Variants in ZMAT4 observed in about 807,000 individuals in gnomAD.
ZMAT4 encodes zinc finger matrin-type 4.
A neutral mutation model predicts 28.7 loss-of-function variants in ZMAT4; 17 were observed. That is an observed-to-expected ratio of 0.59 (90% confidence interval 0.41 to 0.89). The LOEUF is 0.89. Ranked by LOEUF, ZMAT4 falls within the 40% of genes least tolerant of loss-of-function variation. ZMAT4 has a pLI of 0.00. For synonymous variants in ZMAT4, 117 were observed against 109.2 expected, an observed-to-expected ratio of 1.07 and a Z score of -0.44; for missense variants, 240 against 283.8, an observed-to-expected ratio of 0.85 and a Z score of 1.11.
At chr8:40,648,437 T>C (rs1448670146) in intron 5 of ZMAT4, among the ~76,000 whole-genome samples, 2 of 151,080 alleles carry the variant, frequency 1.3e-5, no homozygotes, top group African/African-American at 2.4e-5. Flanking sequence ...AAAGACCAAA[T>C]CTACGTCTGA....
At chr8:40,746,834 C>T (rs892599728) in intron 3 of ZMAT4, among the ~76,000 whole-genome samples, 9 of 152,144 alleles carry the variant, frequency 5.9e-5, no homozygotes, top group Non-Finnish European at 1.2e-4. Context: ...GCCTTCTTTC[C>T]GTTTCTCCCC....
chr8:40,652,324 A>G (rs1022749933), intron 5 of ZMAT4, among the ~76,000 whole-genome samples: 9 of 124,270 alleles, frequency 7.2e-5, no homozygotes, highest in African/African-American at 2.6e-4. Flanking sequence ...CAAAAAACAC[A>G]TGAAAAAATG....
chr8:40,713,921 C>CAAAAAGAAAAAAA (rs1810733554), intron 3 of ZMAT4, among the ~76,000 whole-genome samples: 1 of 50,030 alleles, frequency 2.0e-5, no homozygotes, highest in African/African-American at 6.7e-5. Flanking sequence ...AAAACAAAAC[C>CAAAAAGAAAAAAA]AAAAAAAAAA....
chr8:40,767,869 G>A (rs1763465206), intron 2 of ZMAT4, 139 bp from the exon 3 acceptor site: 2 of 646,906 alleles, frequency 3.1e-6, no homozygotes, highest in Non-Finnish European at 5.0e-6. Flanking sequence ...GAGGGATGTA[G>A]GATGTAGTTT....
intron 5 of ZMAT4, among the ~76,000 whole-genome samples, chr8:40,647,324 T>A (rs1807373112): frequency 6.6e-6 from 1 of 152,194 alleles, no homozygotes; most frequent in Admixed American, 6.5e-5. Context: ...AGACAGCACC[T>A]GGAAAATCGG....
chr8:40,652,047 A>G (rs1267451730), intron 5 of ZMAT4, among the ~76,000 whole-genome samples: 1 of 56,366 alleles, frequency 1.8e-5, no homozygotes, highest in Non-Finnish European at 4.2e-5. Flanking sequence ...CTAAAACACC[A>G]AAAGCAATGA....
At chr8:40,833,928 T>C (rs1356179268) in intron 1 of ZMAT4, among the ~76,000 whole-genome samples, 1 of 152,208 alleles carries the variant, frequency 6.6e-6, no homozygotes, top group Non-Finnish European at 1.5e-5. Flanking sequence ...CAAGCTCTGC[T>C]TTCCAGCCTG....
chr8:40,551,790 CT>C (rs1340808313), intron 6 of ZMAT4, among the ~76,000 whole-genome samples: 2 of 152,140 alleles, frequency 1.3e-5, no homozygotes, highest in African/African-American at 2.4e-5. Context: ...TATATCTGCA[CT>C]TGTAATTTCT....
At chr8:40,608,841 C>A (rs1805693533) in intron 5 of ZMAT4, among the ~76,000 whole-genome samples, 1 of 152,206 alleles carries the variant, frequency 6.6e-6, no homozygotes. Context: ...CTCCCATGAT[C>A]TGGACCATCA....
chr8:40,602,330 G>A (rs1048028299), intron 5 of ZMAT4, among the ~76,000 whole-genome samples: 3 of 152,300 alleles, frequency 2.0e-5, no homozygotes, highest in Non-Finnish European at 4.4e-5. Flanking sequence ...AAACATGCAT[G>A]TGCAAGAATC....
chr8:40,691,153 T>C (rs755715858), intron 4 of ZMAT4, among the ~76,000 whole-genome samples: 2 of 152,198 alleles, frequency 1.3e-5, no homozygotes, highest in African/African-American at 2.4e-5. Flanking sequence ...ACAACCTTGA[T>C]GTATGTGTGT....
At chr8:40,808,628 TC>T in intron 2 of ZMAT4, 1 of 451,450 alleles carries the variant, frequency 2.2e-6, no homozygotes, top group South Asian at 1.6e-5. Context: ...AGGTGTGAGC[TC>T]CCGTTACATG....
At chr8:40,542,093 G>T (rs1585661316) in intron 6 of ZMAT4, among the ~76,000 whole-genome samples, 1 of 152,306 alleles carries the variant, frequency 6.6e-6, no homozygotes, top group East Asian at 1.9e-4. Context: ...GGCCGGAGGG[G>T]AGGGAAGGAC....
chr8:40,616,531 A>T (rs1049334901), intron 5 of ZMAT4, among the ~76,000 whole-genome samples: 1 of 152,216 alleles, frequency 6.6e-6, no homozygotes, highest in Non-Finnish European at 1.5e-5. Context: ...TGTGGCACAT[A>T]TACACCATGG....
At chr8:40,548,275 T>C (rs1247666878) in intron 6 of ZMAT4, among the ~76,000 whole-genome samples, 1 of 151,732 alleles carries the variant, frequency 6.6e-6, no homozygotes, top group African/African-American at 2.4e-5. Context: ...AAAGATTTAG[T>C]GCATTAAAAG....
intron 5 of ZMAT4, chr8:40,674,468 G>A: frequency 4.1e-6 from 2 of 492,018 alleles, no homozygotes; most frequent in East Asian, 6.8e-5. Flanking sequence ...ATGTGCCTTT[G>A]GTCTGAAAAG....
intron 1 of ZMAT4, among the ~76,000 whole-genome samples, chr8:40,881,595 AAAG>A (rs1351841344): frequency 1.0e-5 from 1 of 96,666 alleles, no homozygotes; most frequent in African/African-American, 4.0e-5. Flanking sequence ...AGAAAGAAAG[AAAG>A]AAAAGAAAAG....
intron 3 of ZMAT4, among the ~76,000 whole-genome samples, chr8:40,699,675 T>A (rs955748469): frequency 1.3e-5 from 2 of 152,140 alleles, no homozygotes; most frequent in Non-Finnish European, 1.5e-5. Context: ...TACCCTTTTT[T>A]AAAAAGGAAG....
chr8:40,646,608 C>G (rs1479633856), intron 5 of ZMAT4, among the ~76,000 whole-genome samples: 2 of 151,936 alleles, frequency 1.3e-5, no homozygotes, highest in Non-Finnish European at 2.9e-5. Flanking sequence ...TTTAATTTGT[C>G]TAGAGGCAAA....
Sources: gnomAD v4.1 joint callset for allele counts (sites outside exome capture counted in the v4.1 genomes callset) on GRCh38, gnomAD v4.1.1 for gene constraint, MANE v1.5 for transcripts, NCBI Gene and HGNC (gene_info 2026-07-23, HGNC 2026-07-21) for gene names.